Variants in GRM5 observed in about 807,000 individuals in gnomAD.
GRM5 encodes the protein glutamate metabotropic receptor 5.
A neutral mutation model predicts 83.1 loss-of-function variants in GRM5; 19 were observed. That is an observed-to-expected ratio of 0.23 (90% CI 0.16 to 0.34). The LOEUF (loss-of-function observed/expected upper bound fraction) is 0.34. Ranked by LOEUF, GRM5 falls within the 10% of genes least tolerant of loss-of-function variation. The pLI, the probability that GRM5 is intolerant of heterozygous loss-of-function variation, is 1.00. For synonymous variants in GRM5, 675 were observed against 633.6 expected (o/e 1.07, Z -0.98); for missense variants, 1,160 against 1,588.3 (o/e 0.73, Z 4.58).
intron 3 of GRM5, among the ~76,000 whole-genome samples, chr11:88,728,112 A>G (rs900551102): frequency 1.4e-4 from 22 of 151,726 alleles, no homozygotes; most frequent in African/African-American, 5.3e-4. Flanking sequence ...AAAGATTAAC[A>G]AAATAGACCA....
intron 8 of GRM5, among the ~76,000 whole-genome samples, chr11:88,551,500 C>A (rs1942507756): frequency 6.6e-6 from 1 of 152,114 alleles, no homozygotes; most frequent in Non-Finnish European, 1.5e-5. Context: ...AGGCTACGTG[C>A]CCCTTCACAA....
At chr11:88,524,432 G>C (rs975508143) in intron 9 of GRM5, among the ~76,000 whole-genome samples, 20 of 152,056 alleles carry the variant, frequency 1.3e-4, no homozygotes, top group East Asian at 7.8e-4. Flanking sequence ...TGGCTAGGCT[G>C]TTCTTGAACT....
chr11:88,549,254 A>G, intron 8 of GRM5, among the ~76,000 whole-genome samples: 1 of 152,046 alleles, frequency 6.6e-6, no homozygotes, highest in East Asian at 1.9e-4. Context: ...TCTTGAGCTC[A>G]GGGGTTCAAG....
At chr11:88,768,128 G>A (rs1268877406) in intron 3 of GRM5, among the ~76,000 whole-genome samples, 1 of 151,978 alleles carries the variant, frequency 6.6e-6, no homozygotes, top group Non-Finnish European at 1.5e-5. Context: ...GTATCAAAGA[G>A]ATAATGTTTA....
At chr11:89,031,722 T>C (rs1222052446) in intron 2 of GRM5, among the ~76,000 whole-genome samples, 1 of 152,050 alleles carries the variant, frequency 6.6e-6, no homozygotes, top group Non-Finnish European at 1.5e-5. Context: ...TTAAAAAATT[T>C]TTCTTCTCTT....
chr11:88,706,785 A>G (rs1458201792), intron 3 of GRM5, among the ~76,000 whole-genome samples: 1 of 152,026 alleles, frequency 6.6e-6, no homozygotes, highest in African/African-American at 2.4e-5. Flanking sequence ...ATTCCTCAAC[A>G]TCTACACCTT....
chr11:88,900,513 C>A (rs1945296904), intron 2 of GRM5, among the ~76,000 whole-genome samples: 1 of 152,014 alleles, frequency 6.6e-6, no homozygotes, highest in East Asian at 1.9e-4. Context: ...ATATTATATA[C>A]CTAAAAGCAT....
intron 4 of GRM5, among the ~76,000 whole-genome samples, chr11:88,652,246 A>G (rs1207477851): frequency 6.6e-6 from 1 of 152,120 alleles, no homozygotes; most frequent in Non-Finnish European, 1.5e-5. Context: ...ATGCAAATGC[A>G]TATGGGTTTC....
chr11:88,845,990 A>C (rs1230988706), intron 3 of GRM5, among the ~76,000 whole-genome samples: 1 of 152,232 alleles, frequency 6.6e-6, no homozygotes, highest in African/African-American at 2.4e-5. Flanking sequence ...TCTTACAGTA[A>C]GTTCTTATCA....
chr11:88,584,164 C>G (rs572703558), intron 7 of GRM5, among the ~76,000 whole-genome samples: 3 of 149,544 alleles, frequency 2.0e-5, no homozygotes, highest in Non-Finnish European at 4.5e-5. Context: ...CAAATAAAAT[C>G]TATATTAAAA....
intron 2 of GRM5, among the ~76,000 whole-genome samples, chr11:88,928,446 A>ATGTGTGTGTGTG (rs5793360): frequency 6.9e-6 from 1 of 144,698 alleles, no homozygotes; most frequent in African/African-American, 2.6e-5. Flanking sequence ...AATCTATCAT[A>ATGTGTGTGTGTG]TGTGTGTGTG....
chr11:88,913,711 C>G (rs981694427), intron 2 of GRM5, among the ~76,000 whole-genome samples: 15 of 151,640 alleles, frequency 9.9e-5, no homozygotes, highest in Non-Finnish European at 2.1e-4. Context: ...CTCAGCTTCC[C>G]AAATACATGA....
At chr11:88,737,457 C>A (rs1206336527) in intron 3 of GRM5, among the ~76,000 whole-genome samples, 1 of 151,980 alleles carries the variant, frequency 6.6e-6, no homozygotes, top group Non-Finnish European at 1.5e-5. Context: ...TATTAAACAT[C>A]TTTTATGGGC....
chr11:88,991,703 A>G (rs1360632728), intron 2 of GRM5, among the ~76,000 whole-genome samples: 3 of 151,896 alleles, frequency 2.0e-5, no homozygotes, highest in Non-Finnish European at 2.9e-5. Context: ...CTCAGAAATA[A>G]CGCCGCATAT....
At chr11:88,834,991 G>C (rs1188088529) in intron 3 of GRM5, among the ~76,000 whole-genome samples, 4 of 151,974 alleles carry the variant, frequency 2.6e-5, no homozygotes, top group African/African-American at 9.7e-5. Flanking sequence ...TTCCCCCCCT[G>C]CAGTTTCAGC....
At chr11:89,031,441 G>T (rs1941261148) in intron 2 of GRM5, among the ~76,000 whole-genome samples, 1 of 151,402 alleles carries the variant, frequency 6.6e-6, no homozygotes, top group African/African-American at 2.4e-5. Context: ...GTGCTTTTTG[G>T]AATTGTGAAA....
intron 2 of GRM5, among the ~76,000 whole-genome samples, chr11:88,901,100 C>A (rs891446654): frequency 6.6e-6 from 1 of 152,044 alleles, no homozygotes; most frequent in East Asian, 1.9e-4. Flanking sequence ...TATTACCTGA[C>A]GTGGACAGGT....
At chr11:88,544,694 C>T (rs1942350772) in intron 8 of GRM5, among the ~76,000 whole-genome samples, 1 of 152,136 alleles carries the variant, frequency 6.6e-6, no homozygotes, top group Non-Finnish European at 1.5e-5. Flanking sequence ...TCCTACAGTC[C>T]CCAGTATAAA....
chr11:88,996,938 C>A (rs1452846466), intron 2 of GRM5, among the ~76,000 whole-genome samples: 1 of 152,136 alleles, frequency 6.6e-6, no homozygotes, highest in Non-Finnish European at 1.5e-5. Flanking sequence ...TTTTTTAAAT[C>A]ATTGAACTAA....
Sources: gnomAD v4.1 joint callset for allele counts (sites outside exome capture counted in the v4.1 genomes callset) on GRCh38, gnomAD v4.1.1 for gene constraint, MANE v1.5 for transcripts, NCBI Gene and HGNC (gene_info 2026-07-23, HGNC 2026-07-21) for gene names.